The following DEK variants were observed in gnomAD, a reference collection of about 807,000 sequenced individuals.
DEK encodes DEK proto-oncogene.
DEK carries 28 observed loss-of-function variants against 46.8 expected under a neutral mutation model. The ratio of observed to expected loss-of-function variants is 0.60; its 90% confidence interval spans 0.44 to 0.82. DEK has a LOEUF of 0.82. Among genes scored for constraint, DEK ranks in the 40% least tolerant of loss-of-function variants. The pLI, the probability that DEK is intolerant of heterozygous loss-of-function variation, is 0.00. For synonymous variants in DEK, 160 were observed against 144.5 expected, an observed-to-expected ratio of 1.11 and a Z score of -0.77; for missense variants, 416 against 430.6, an observed-to-expected ratio of 0.97 and a Z score of 0.30.
chr6:18,225,242 T>C lies in DEK; in HGVS notation c.*477A>G. 4.3e-6 allele frequency: 1 copy of C among 230,058 alleles called. No individual in the cohort carries two copies. The highest frequency in any genetic ancestry group is 8.6e-6 in the Non-Finnish European group (1 of 116,126). 14.3% of individuals were successfully genotyped at this position (230,058 alleles called of 1,614,324 possible). On this transcript the variant is annotated 3_prime_UTR_variant, in exon 11 of 11. Coordinates refer to ENST00000652689, the MANE Select transcript of DEK (RefSeq NM_003472.4). ...GATCTGGACAACTGTAGCTTGTATA[T>C]TTTTAATATGATGGACACACTGCCG... is the stretch of plus-strand genomic sequence containing the variant.
chr6:18,245,583 G>A (rs1229261376), intron 7 of DEK, among the ~76,000 whole-genome samples: 1 of 151,284 alleles, frequency 6.6e-6, no homozygotes, highest in Non-Finnish European at 1.5e-5. Flanking sequence ...ATTAGGATAA[G>A]ATGAAAAAGA....
At chr6:18,233,684 AAGTC>A (rs922436505) in intron 9 of DEK, among the ~76,000 whole-genome samples, 6 of 152,198 alleles carry the variant, frequency 3.9e-5, no homozygotes, top group Non-Finnish European at 7.3e-5. Context: ...GATCATCAAA[AAGTC>A]AGGAAACAAC....
Position 18,237,474 on chromosome 6 carries a change from C to A in DEK, c.805G>T (p.Ala269Ser). 1 of 1,609,552 alleles carries A rather than the reference C, an allele frequency of 6.2e-7. No homozygotes were observed. Among genetic ancestry groups the A allele is most frequent in the Middle Eastern group, 1.7e-4 (1 of 6,020 alleles). ...ACAGATTTTTTACTTTTAGAAGTAG[C>A]TTTCTGTTTAGGTTTTTCTCTTTTG... The part of the protein sequence containing the change: ...TAKREKPKQK[A>S]TSKSKKSVKS... The change falls in exon 8 of 11, where the codon GCT becomes TCT. Residue 269 changes from alanine (A) to serine (S), a missense_variant. Ala to Ser is a moderately conservative substitution (Grantham distance 99). Coordinates refer to ENST00000652689, the MANE Select transcript of DEK (RefSeq NM_003472.4).
Position 18,226,125 on chromosome 6 carries a change from C to T in DEK, c.1116+49G>A, listed in dbSNP as rs1324072245. ...AAATATGGAGTATTTTATGTAATTACTTTTGTCTTATATTTCTAAAGTCAA... is the reference window on the plus strand; with the variant it reads ...AAATATGGAGTATTTTATGTAATTATTTTTGTCTTATATTTCTAAAGTCAA... On this transcript the variant is annotated intron_variant, in intron 10 of 10. Transcript: ENST00000652689. 6.6e-6 allele frequency: 8 copies of T among 1,207,414 alleles called. No homozygotes were observed. In the South Asian group the frequency reaches 1.1e-4, roughly 16 times the overall value. The allele number at this position is 1,207,414 out of a possible 1,614,324, so 74.8% of individuals were successfully genotyped here.
chr6:18,250,724 G>C (rs1791340806), intron 6 of DEK, among the ~76,000 whole-genome samples: 1 of 151,554 alleles, frequency 6.6e-6, no homozygotes, highest in Non-Finnish European at 1.5e-5. Context: ...TCAAACTCCT[G>C]ACCTCAAGTG....
chr6:18,225,102 A>T lies in DEK; in HGVS notation c.*617T>A, dbSNP rs1790051988. On this transcript the variant is annotated 3_prime_UTR_variant, in exon 11 of 11. Coordinates refer to ENST00000652689, the MANE Select transcript of DEK (RefSeq NM_003472.4). ...AAAGTGATCTGCACAAAAGAAATAAAAAAACTTTATATACAACCAATTGTT... is the reference window on the plus strand; with the variant it reads ...AAAGTGATCTGCACAAAAGAAATAATAAAACTTTATATACAACCAATTGTT... 4.7e-6 allele frequency: 1 copy of T among 214,872 alleles called. No homozygotes were observed. Among genetic ancestry groups the T allele is most frequent in the South Asian group, 1.9e-4 (1 of 5,386 alleles). The allele number at this position is 214,872 out of a possible 1,614,324, so 13.3% of individuals were successfully genotyped here.
chr6:18,251,108 T>C (rs1041379192), intron 6 of DEK, among the ~76,000 whole-genome samples: 1 of 152,224 alleles, frequency 6.6e-6, no homozygotes, highest in African/African-American at 2.4e-5. Context: ...AATTCTAAAA[T>C]TGAAAACCAT....
rs900995281 is a variant in DEK at position 18,249,576 on chromosome 6, G to A, written c.762+75C>T. ...ACAACCAATAAGGAAGTGTTTTCTG[G>A]CTGTACCTTATAGCAGAAATATTTA... On this transcript the variant is annotated intron_variant, in intron 7 of 10. Transcript: ENST00000652689. 2.8e-6 allele frequency: 4 copies of A among 1,425,538 alleles called. No homozygotes were observed. In the South Asian group the frequency reaches 5.0e-5, roughly 18 times the overall value. The allele number at this position is 1,425,538 out of a possible 1,614,324, so 88.3% of individuals were successfully genotyped here.
intron 1 of DEK, 58 bp from the exon 2 acceptor site, chr6:18,264,054 G>A (rs1791998260): frequency 1.3e-6 from 2 of 1,492,690 alleles, no homozygotes; most frequent in African/African-American, 1.4e-5. Flanking sequence ...GGCAGGACCG[G>A]GCGGCCACCC....
At chr6:18,247,228 C>T (rs1388209345) in intron 7 of DEK, among the ~76,000 whole-genome samples, 1 of 151,690 alleles carries the variant, frequency 6.6e-6, no homozygotes, top group East Asian at 1.9e-4. Context: ...GAAGACAGTG[C>T]TAAATTTAAA....
intron 9 of DEK, among the ~76,000 whole-genome samples, chr6:18,228,440 C>A (rs1199110823): frequency 2.0e-5 from 3 of 152,026 alleles, no homozygotes; most frequent in Admixed American, 6.5e-5. Flanking sequence ...ACAGCTCCCA[C>A]CGTGAGCGAC....
intron 9 of DEK, among the ~76,000 whole-genome samples, chr6:18,234,346 T>TA (rs757093972): frequency 1.4e-4 from 21 of 151,482 alleles, no homozygotes; most frequent in Admixed American, 2.0e-4. Flanking sequence ...TTAAAAGTAT[T>TA]AAAAAAAAGA....
intron 9 of DEK, among the ~76,000 whole-genome samples, chr6:18,233,579 C>G (rs552193975): frequency 1.3e-5 from 2 of 152,258 alleles, no homozygotes; most frequent in South Asian, 4.1e-4. Context: ...TTTATGCAGC[C>G]AACAGACACA....
In DEK at chr6:18,236,542, G is replaced by A. The variant is rs1582263577; in HGVS notation, c.957C>T (p.Pro319=). 1 of 1,588,638 alleles carries A rather than the reference G, an allele frequency of 6.3e-7. No individual in the cohort carries two copies. The highest frequency in any genetic ancestry group is 1.4e-5 in the African/African-American group (1 of 72,790). ...TTTCCTTTAACTCTTCATCTGTAGG[G>A]GGTTTCTTCAACTTTTTAATTAAAG... is the stretch of plus-strand genomic sequence containing the variant. ...DEPLIKKLKK[P]PTDEELKETI... The change falls in exon 9 of 11, where the codon CCC becomes CCT. Residue 319 remains proline, a synonymous_variant. Coordinates refer to ENST00000652689, the MANE Select transcript of DEK (RefSeq NM_003472.4).
chr6:18,241,573 C>T (rs1790896092), intron 7 of DEK, among the ~76,000 whole-genome samples: 1 of 152,302 alleles, frequency 6.6e-6, no homozygotes, highest in South Asian at 2.1e-4. Context: ...TACAGCCAAA[C>T]ATCCTGATTC....
chr6:18,256,508 GAATAAATTCAA>G, intron 4 of DEK, 53 bp from the exon 5 acceptor site: 1 of 1,456,858 alleles, frequency 6.9e-7, no homozygotes, highest in Non-Finnish European at 9.4e-7. Flanking sequence ...ATGTACACAA[GAATAAATTCAA>G]AGCCAATTCA....
At chr6:18,233,161 A>C (rs1358296138) in intron 9 of DEK, among the ~76,000 whole-genome samples, 1 of 152,248 alleles carries the variant, frequency 6.6e-6, no homozygotes, top group African/African-American at 2.4e-5. Flanking sequence ...TAGAAAGCTG[A>C]AACTGGATCG....
chr6:18,251,286 T>C (rs1338440417), intron 6 of DEK, among the ~76,000 whole-genome samples: 3 of 152,316 alleles, frequency 2.0e-5, no homozygotes, highest in South Asian at 2.1e-4. Flanking sequence ...AGGTATCCAA[T>C]TGTGTAAATG....
intron 2 of DEK, among the ~76,000 whole-genome samples, chr6:18,261,854 G>A (rs569495891): frequency 1.3e-5 from 2 of 152,182 alleles, no homozygotes; most frequent in South Asian, 4.1e-4. Context: ...GGACTACTGC[G>A]AAGGCACAAC....
Sources: allele counts gnomAD v4.1 joint callset (sites outside exome capture counted in the v4.1 genomes callset), GRCh38; gene constraint gnomAD v4.1.1; transcripts MANE v1.5; gene names NCBI Gene and HGNC (gene_info 2026-07-23, HGNC 2026-07-21).